EXOC4: variants seen among roughly 807,000 people sequenced by gnomAD.
EXOC4 encodes exocyst complex component 4, also known as SEC8-like 1.
Under a neutral mutation model 107.2 loss-of-function variants are expected in EXOC4, and 71 were observed. The observed-to-expected ratio is 0.66, with a 90% confidence interval of 0.55 to 0.81. The LOEUF (loss-of-function observed/expected upper bound fraction) is 0.81, where lower values mean the gene tolerates loss of function less well. EXOC4 is among the 30% of genes least tolerant of loss of function. The pLI, the probability that EXOC4 is intolerant of heterozygous loss-of-function variation, is 0.00. For synonymous variants in EXOC4, 456 were observed against 441.2 expected (o/e 1.03, Z -0.42); for missense variants, 1,108 against 1,189.6 (o/e 0.93, Z 1.01).
Position 133,537,306 on chromosome 7 carries a change from C to CCA in EXOC4, c.1417+57170_1417+57171dup, listed in dbSNP as rs1554469191. Among the ~76,000 whole-genome samples, 30 of 147,864 alleles carry CCA rather than the reference C, an allele frequency of 2.0e-4. 1 individual carries two copies. Among genetic ancestry groups the CCA allele is most frequent in the Non-Finnish European group, 2.2e-4 (15 of 67,294 alleles). Reference sequence around the variant, plus strand: ...GTTGGGATTACAGGCACCCCCCCCCCCACCACACCTGACTAATTTTTTTGT... The same window carrying CCA: ...GTTGGGATTACAGGCACCCCCCCCCCCACACCACACCTGACTAATTTTTTTGT... On this transcript the variant is annotated intron_variant, in intron 9 of 17. Coordinates refer to ENST00000253861, the MANE Select transcript of EXOC4 (RefSeq NM_021807.4).
chr7:133,879,987 C>T (rs1798931409), intron 11 of EXOC4, among the ~76,000 whole-genome samples: 1 of 152,142 alleles, frequency 6.6e-6, no homozygotes, highest in African/African-American at 2.4e-5. Flanking sequence ...TTCCCTTCTC[C>T]AGCCACACTT....
intron 7 of EXOC4, among the ~76,000 whole-genome samples, chr7:133,402,729 C>T (rs1019778688): frequency 4.6e-5 from 7 of 152,080 alleles, no homozygotes; most frequent in African/African-American, 7.2e-5. Context: ...TTCTTGAACT[C>T]GTGACCTCAA....
chr7:133,598,335 GT>G (rs1801729950), intron 9 of EXOC4, among the ~76,000 whole-genome samples: 1 of 152,152 alleles, frequency 6.6e-6, no homozygotes, highest in Non-Finnish European at 1.5e-5. Flanking sequence ...TTTGGACTTT[GT>G]TTATCTCCCT....
At chr7:133,888,728 G>T (rs1027670019) in intron 11 of EXOC4, among the ~76,000 whole-genome samples, 8 of 152,100 alleles carry the variant, frequency 5.3e-5, no homozygotes, top group Non-Finnish European at 1.2e-4. Context: ...CTGTAATCTC[G>T]TGAGAAAATG....
intron 6 of EXOC4, among the ~76,000 whole-genome samples, chr7:133,365,232 A>C (rs1437800795): frequency 6.6e-6 from 1 of 152,224 alleles, no homozygotes; most frequent in Admixed American, 6.5e-5. Flanking sequence ...ACTAAGAACA[A>C]CAAAGCACTA....
intron 12 of EXOC4, among the ~76,000 whole-genome samples, chr7:133,902,356 G>T (rs1799471627): frequency 6.6e-6 from 1 of 152,110 alleles, no homozygotes; most frequent in Non-Finnish European, 1.5e-5. Flanking sequence ...AACAAACACA[G>T]TGGATCACTG....
intron 10 of EXOC4, among the ~76,000 whole-genome samples, chr7:133,746,552 T>C (rs1420306741): frequency 6.6e-6 from 1 of 152,152 alleles, no homozygotes; most frequent in Non-Finnish European, 1.5e-5. Context: ...CCTGCAGATA[T>C]GCCAGTGAGA....
intron 10 of EXOC4, among the ~76,000 whole-genome samples, chr7:133,747,255 A>T (rs888549054): frequency 1.3e-5 from 2 of 152,192 alleles, no homozygotes; most frequent in Non-Finnish European, 2.9e-5. Context: ...TTATTGCTCT[A>T]TATTAAGATC....
intron 9 of EXOC4, among the ~76,000 whole-genome samples, chr7:133,510,376 A>C (rs1799746561): frequency 6.6e-6 from 1 of 152,182 alleles, no homozygotes; most frequent in Non-Finnish European, 1.5e-5. Context: ...CAGTTAATGG[A>C]CATTGGGTTG....
chr7:133,581,614 C>G (rs1020780810), intron 9 of EXOC4, among the ~76,000 whole-genome samples: 1 of 151,256 alleles, frequency 6.6e-6, no homozygotes, highest in Non-Finnish European at 1.5e-5. Flanking sequence ...AAAAATTAGC[C>G]GGGCGTGGTG....
chr7:134,014,864 A>T (rs79372353), intron 17 of EXOC4, among the ~76,000 whole-genome samples: 1 of 151,954 alleles, frequency 6.6e-6, no homozygotes, highest in African/African-American at 2.4e-5. Context: ...ATGAGGAGCC[A>T]AAGTTTTATC....
chr7:133,775,449 A>G (rs1012627633), intron 10 of EXOC4, among the ~76,000 whole-genome samples: 1 of 152,196 alleles, frequency 6.6e-6, no homozygotes, highest in Admixed American at 6.5e-5. Flanking sequence ...TAATCTGGGT[A>G]CACAATGTAG....
chr7:134,067,814 C>G (rs750755025), downstream of EXOC4, among the ~76,000 whole-genome samples: 8 of 152,090 alleles, frequency 5.3e-5, no homozygotes, highest in Non-Finnish European at 1.0e-4. Flanking sequence ...CCCCTTACCC[C>G]ACAAGCACTT....
At chr7:134,029,031 C>T (rs1795208744) in intron 17 of EXOC4, among the ~76,000 whole-genome samples, 1 of 152,196 alleles carries the variant, frequency 6.6e-6, no homozygotes, top group African/African-American at 2.4e-5. Context: ...GATGATAAGA[C>T]ACCCACCCAG....
At chr7:133,701,152 C>T (rs1336282411) in intron 10 of EXOC4, among the ~76,000 whole-genome samples, 1 of 152,170 alleles carries the variant, frequency 6.6e-6, no homozygotes, top group Non-Finnish European at 1.5e-5. Context: ...ACTTTTCCAA[C>T]TTGAATTTAT....
intron 7 of EXOC4, among the ~76,000 whole-genome samples, chr7:133,414,592 C>T (rs563277266): frequency 6.6e-6 from 1 of 152,118 alleles, no homozygotes; most frequent in Admixed American, 6.6e-5. Flanking sequence ...ATGTTTCCTC[C>T]ATACAGTAGA....
chr7:133,569,624 T>A (rs1800976889), intron 9 of EXOC4, among the ~76,000 whole-genome samples: 1 of 152,142 alleles, frequency 6.6e-6, no homozygotes, highest in Non-Finnish European at 1.5e-5. Context: ...GGATTATATT[T>A]CAAATGTATA....
At chr7:133,281,765 G>T (rs1227228865) in intron 2 of EXOC4, among the ~76,000 whole-genome samples, 1 of 145,108 alleles carries the variant, frequency 6.9e-6, no homozygotes, top group Non-Finnish European at 1.5e-5. Context: ...GCAATGATAT[G>T]ATCTCGGCTT....
At chr7:133,407,229 A>G (rs991225117) in intron 7 of EXOC4, among the ~76,000 whole-genome samples, 5 of 152,128 alleles carry the variant, frequency 3.3e-5, no homozygotes, top group African/African-American at 1.2e-4. Flanking sequence ...CAATCCTGTT[A>G]GGTTAGTTTA....
Sources: allele counts gnomAD v4.1 joint callset (sites outside exome capture counted in the v4.1 genomes callset), GRCh38; gene constraint gnomAD v4.1.1; transcripts MANE v1.5; gene names NCBI Gene and HGNC (gene_info 2026-07-23, HGNC 2026-07-21).